The following MACROD2 variants were observed in gnomAD, a reference collection of about 807,000 sequenced individuals.
MACROD2 encodes ADP-ribose glycohydrolase MACROD2.
In MACROD2, 36 loss-of-function variants were observed where a neutral mutation model predicts 70.4. The observed-to-expected ratio is 0.51, with a 90% confidence interval of 0.39 to 0.68. The LOEUF (loss-of-function observed/expected upper bound fraction) is 0.68, where lower values mean the gene tolerates loss of function less well. Among genes scored for constraint, MACROD2 ranks in the 30% least tolerant of loss-of-function variants. MACROD2 has a pLI of 0.00. For missense variants in MACROD2, 496 were observed against 538.4 expected, an observed-to-expected ratio of 0.92 and a Z score of 0.78; for synonymous variants, 172 against 178.8, an observed-to-expected ratio of 0.96 and a Z score of 0.30.
At chr20:14,714,094 C>T (rs2071369307) in intron 5 of MACROD2, among the ~76,000 whole-genome samples, 1 of 152,098 alleles carries the variant, frequency 6.6e-6, no homozygotes, top group Non-Finnish European at 1.5e-5. Flanking sequence ...GGAAAAGCAA[C>T]CTCAAAAATA....
chr20:14,661,944 G>A (rs1255605028), intron 4 of MACROD2, among the ~76,000 whole-genome samples: 2 of 152,060 alleles, frequency 1.3e-5, no homozygotes, highest in East Asian at 1.9e-4. Context: ...AAATCATATT[G>A]TAAAAAATAA....
chr20:15,780,719 T>G (rs1354729506), intron 8 of MACROD2, among the ~76,000 whole-genome samples: 3 of 152,064 alleles, frequency 2.0e-5, no homozygotes, highest in Non-Finnish European at 4.4e-5. Context: ...GTTTACAAAG[T>G]AAACAATGAT....
At chr20:14,196,501 G>C (rs1264586184) in intron 3 of MACROD2, among the ~76,000 whole-genome samples, 1 of 152,180 alleles carries the variant, frequency 6.6e-6, no homozygotes, top group Non-Finnish European at 1.5e-5. Flanking sequence ...CTCACTATCA[G>C]ATGGCTTCAC....
At chr20:14,994,495 C>G (rs547638035) in intron 5 of MACROD2, among the ~76,000 whole-genome samples, 53 of 152,168 alleles carry the variant, frequency 3.5e-4, no homozygotes, top group Admixed American at 3.0e-3. Context: ...GGATCAACCT[C>G]CCCAGTCAAA....
intron 5 of MACROD2, among the ~76,000 whole-genome samples, chr20:15,184,801 A>G (rs112998474): frequency 1.8e-4 from 28 of 152,232 alleles, no homozygotes; most frequent in African/African-American, 6.3e-4. Context: ...ATCCAAGAGC[A>G]CTCTCTGATA....
chr20:14,762,930 A>C (rs2072036343), intron 5 of MACROD2, among the ~76,000 whole-genome samples: 1 of 152,096 alleles, frequency 6.6e-6, no homozygotes, highest in Non-Finnish European at 1.5e-5. Context: ...ATTCCGTCTC[A>C]AAAAACAAAC....
chr20:15,102,735 C>CAA (rs10626110), intron 5 of MACROD2, among the ~76,000 whole-genome samples: 3 of 151,714 alleles, frequency 2.0e-5, no homozygotes, highest in Non-Finnish European at 4.4e-5. Flanking sequence ...TAAACTCCCA[C>CAA]GTGTGAAAAT....
chr20:15,310,524 T>C (rs771147381), intron 6 of MACROD2, among the ~76,000 whole-genome samples: 1 of 152,056 alleles, frequency 6.6e-6, no homozygotes, highest in Non-Finnish European at 1.5e-5. Flanking sequence ...GGCATGACTA[T>C]AGTAAAAAAG....
intron 5 of MACROD2, among the ~76,000 whole-genome samples, chr20:15,028,369 A>G (rs114649832): frequency 0.012 from 1,840 of 152,316 alleles, 44 homozygotes; most frequent in African/African-American, 0.041. Context: ...GGAGTGAGGA[A>G]CAATGCTGGG....
At chr20:15,989,478 T>G (rs528532494) in intron 15 of MACROD2, among the ~76,000 whole-genome samples, 1 of 152,296 alleles carries the variant, frequency 6.6e-6, no homozygotes, top group South Asian at 2.1e-4. Flanking sequence ...AATCTTCCAT[T>G]TGAGAAATAA....
intron 3 of MACROD2, among the ~76,000 whole-genome samples, chr20:14,357,215 C>T (rs1409330633): frequency 6.6e-6 from 1 of 152,174 alleles, no homozygotes; most frequent in Non-Finnish European, 1.5e-5. Flanking sequence ...CTGGCCATGG[C>T]AGTCTACTGA....
chr20:14,496,929 A>T (rs1046878413), intron 4 of MACROD2, among the ~76,000 whole-genome samples: 3 of 151,630 alleles, frequency 2.0e-5, no homozygotes, highest in African/African-American at 7.3e-5. Flanking sequence ...ACCTGTTGTT[A>T]TTTTAATGGT....
chr20:15,616,030 G>T (rs751858599), intron 8 of MACROD2, among the ~76,000 whole-genome samples: 72 of 151,768 alleles, frequency 4.7e-4, no homozygotes, highest in Non-Finnish European at 1.2e-4. Context: ...GAGTAAAAGT[G>T]AGGGCAGCCT....
chr20:14,710,484 G>A (rs1251573852), intron 5 of MACROD2, among the ~76,000 whole-genome samples: 1 of 152,210 alleles, frequency 6.6e-6, no homozygotes, highest in Non-Finnish European at 1.5e-5. Context: ...GTGGAAAGAC[G>A]ATGAGCATGG....
chr20:14,751,625 G>T (rs1457728118), intron 5 of MACROD2, among the ~76,000 whole-genome samples: 1 of 152,086 alleles, frequency 6.6e-6, no homozygotes, highest in Non-Finnish European at 1.5e-5. Flanking sequence ...CCACCCTTGG[G>T]CTCTGCCCTG....
At position 14,249,128 on chromosome 20, in the gene MACROD2, G is replaced by GTCTTTTTTTTTTT. The variant is rs1555773444; in HGVS notation, c.271+163401_271+163402insCTTTTTTTTTTTT. Among the ~76,000 whole-genome samples the GTCTTTTTTTTTTT allele has an allele frequency of 3.9e-5, 4 of 103,078 alleles. 1 individual carries two copies. Among genetic ancestry groups the GTCTTTTTTTTTTT allele is most frequent in the South Asian group, 7.4e-4 (2 of 2,720 alleles). 67.6% of individuals were successfully genotyped at this position (103,078 alleles called of 152,430 possible). On this transcript the variant is annotated intron_variant, in intron 3 of 17. Coordinates refer to ENST00000684519, the MANE Select transcript of MACROD2 (RefSeq NM_001351661.2). The stretch of plus-strand genomic sequence containing the variant: ...GGTATTCTTTTCTATGATTTCAAAG[G>GTCTTTTTTTTTTT]TTTTTTTTTTTTTTTTTTTTTTGGT...
At chr20:14,785,968 C>CCT (rs2072365540) in intron 5 of MACROD2, among the ~76,000 whole-genome samples, 1 of 151,908 alleles carries the variant, frequency 6.6e-6, no homozygotes, top group African/African-American at 2.4e-5. Context: ...CTCTTGGCCA[C>CCT]CTCTATCAAA....
intron 8 of MACROD2, among the ~76,000 whole-genome samples, chr20:15,853,867 C>A (rs527843590): frequency 3.3e-5 from 5 of 152,098 alleles, no homozygotes; most frequent in Non-Finnish European, 5.9e-5. Flanking sequence ...AGGCACTAAC[C>A]CCCAGAGGTC....
intron 7 of MACROD2, among the ~76,000 whole-genome samples, chr20:15,469,164 T>C (rs1052963012): frequency 6.6e-6 from 1 of 152,188 alleles, no homozygotes; most frequent in Admixed American, 6.5e-5. Context: ...TAATACATGG[T>C]CCTGATCCTA....
Sources: gnomAD v4.1 joint callset for allele counts (sites outside exome capture counted in the v4.1 genomes callset) on GRCh38, gnomAD v4.1.1 for gene constraint, MANE v1.5 for transcripts, NCBI Gene and HGNC (gene_info 2026-07-23, HGNC 2026-07-21) for gene names.